The following PAK4 variants were observed in gnomAD, a reference collection of about 807,000 sequenced individuals.
The protein encoded by PAK4 is serine/threonine-protein kinase PAK 4.
In PAK4, 49 loss-of-function variants were observed where a neutral mutation model predicts 53.5. That is an observed-to-expected ratio of 0.92 (90% confidence interval 0.73 to 1.16). The LOEUF (loss-of-function observed/expected upper bound fraction) is 1.16, where lower values mean the gene tolerates loss of function less well. Ranked by LOEUF, PAK4 falls within the 50% of genes most tolerant of loss-of-function variation. The pLI is 0.00. For synonymous variants in PAK4, 376 were observed against 375.6 expected, an observed-to-expected ratio of 1.00 and a Z score of -0.01; for missense variants, 824 against 850.7, an observed-to-expected ratio of 0.97 and a Z score of 0.39.
rs754032292 is a variant in PAK4, at chr19:39,173,842, G to C, written c.930G>C (p.Leu310=). Residue 310 remains leucine (L), a synonymous_variant, in exon 4 of 9, where the codon CTG becomes CTC. Transcript: ENST00000358301. This position sits in a 1 kb window ranked among gnomAD's most constrained non-coding sequence, Gnocchi z 6.9. Reference sequence around the variant, plus strand: ...AGCAGTTCCGGGCTGCCCTGCAGCTGGTGGTGGACCCAGGCGACCCCCGCT... The same window carrying C: ...AGCAGTTCCGGGCTGCCCTGCAGCTCGTGGTGGACCCAGGCGACCCCCGCT... The C allele has an allele frequency of 1.9e-6, 3 of 1,612,570 alleles. No individual in the cohort carries two copies. The highest frequency in any genetic ancestry group is 2.5e-6 in the Non-Finnish European group (3 of 1,179,770).
intron 1 of PAK4, among the ~76,000 whole-genome samples, chr19:39,140,708 C>T (rs58909586): frequency 0.019 from 2,908 of 152,308 alleles, 94 homozygotes; most frequent in African/African-American, 0.067. Context: ...TCCTCTCCCC[C>T]TACCCCTCTC....
intron 1 of PAK4, among the ~76,000 whole-genome samples, chr19:39,144,392 G>T (rs2073966490): frequency 6.6e-6 from 1 of 152,192 alleles, no homozygotes; most frequent in African/African-American, 2.4e-5. Context: ...CTTTGTAGTG[G>T]TCTCACTGCT....
chr19:39,182,511 A>G (rs950385446), downstream of PAK4: 1 of 152,194 alleles, frequency 6.6e-6, no homozygotes, highest in Non-Finnish European at 1.5e-5. Context: ...ATATACAATC[A>G]GGAGATTTAA....
intron 1 of PAK4, among the ~76,000 whole-genome samples, chr19:39,145,291 G>A (rs2073981393): frequency 6.6e-6 from 1 of 152,174 alleles, no homozygotes; most frequent in African/African-American, 2.4e-5. Context: ...CCTAAACAGT[G>A]TCCCGCATTG....
At chr19:39,134,038 C>G (rs562273558) in intron 1 of PAK4, among the ~76,000 whole-genome samples, 8 of 152,294 alleles carry the variant, frequency 5.3e-5, no homozygotes, top group East Asian at 1.9e-4. Context: ...AGGCCCCTGT[C>G]CTTCTCTCCC....
Position 39,176,588 on chromosome 19 carries a change from A to C in PAK4, c.1360-2A>C. 6.2e-7 allele frequency: 1 copy of C among 1,613,710 alleles called. No homozygotes were observed. Among genetic ancestry groups the C allele is most frequent in the Non-Finnish European group, 8.5e-7 (1 of 1,179,978 alleles). On this transcript the variant is annotated splice_acceptor_variant, in intron 6 of 8. Coordinates refer to ENST00000358301, the Ensembl canonical transcript of PAK4. LOFTEE classifies it high-confidence loss of function. ...GACCCCACTGCCTCTGCCCTGTCCCAGGTGAAGCTGTCAGACTTTGGGTTC... is the reference window on the plus strand; with the variant it reads ...GACCCCACTGCCTCTGCCCTGTCCCCGGTGAAGCTGTCAGACTTTGGGTTC...
chr19:39,158,258 CATGT>C (rs1321058326), intron 1 of PAK4, among the ~76,000 whole-genome samples: 1 of 150,810 alleles, frequency 6.6e-6, no homozygotes, highest in Non-Finnish European at 1.5e-5. Flanking sequence ...TGTGAGCATG[CATGT>C]GTTGCGGGAT....
chr19:39,131,465 C>T (rs559830616), intron 1 of PAK4, among the ~76,000 whole-genome samples: 2 of 152,312 alleles, frequency 1.3e-5, no homozygotes, highest in East Asian at 1.9e-4. Context: ...AGCCCAGCCC[C>T]GCACATGCTG....
chr19:39,176,074 A>G (rs1235867623), intron 6 of PAK4, among the ~76,000 whole-genome samples: 14 of 152,124 alleles, frequency 9.2e-5, no homozygotes, highest in Admixed American at 7.2e-4. Context: ...GGTTGTGGGG[A>G]TGTTTGCTGG....
intron 1 of PAK4, among the ~76,000 whole-genome samples, chr19:39,137,049 G>A (rs893224347): frequency 2.0e-5 from 3 of 152,200 alleles, no homozygotes; most frequent in Non-Finnish European, 4.4e-5. Context: ...CTCTGCCTCA[G>A]TGTCTTCCTC....
In PAK4 at chr19:39,130,416, G is replaced by A. The variant is rs146170412; in HGVS notation, c.-23+4497G>A. 7.6e-4 allele frequency among the ~76,000 whole-genome samples: 116 copies of A among 152,142 alleles called. No homozygotes were observed. In the East Asian group the frequency reaches 0.02, roughly 26 times the overall value. On this transcript the variant is annotated intron_variant, in intron 1 of 8. Coordinates refer to ENST00000358301, the Ensembl canonical transcript of PAK4. ...AGCCCGAGGAGGCATGTGGCCCAGCGTGGGGAGTTGAGGAGGGCTTTCTGG... is the reference window on the plus strand; with the variant it reads ...AGCCCGAGGAGGCATGTGGCCCAGCATGGGGAGTTGAGGAGGGCTTTCTGG...
chr19:39,171,361 A>G (rs921278019), intron 2 of PAK4, among the ~76,000 whole-genome samples: 2 of 151,916 alleles, frequency 1.3e-5, no homozygotes, highest in Non-Finnish European at 2.9e-5. Context: ...GGCGCCCACC[A>G]CTATGCCCAT....
chr19:39,133,921 A>C (rs2073762069), intron 1 of PAK4, among the ~76,000 whole-genome samples: 1 of 151,484 alleles, frequency 6.6e-6, no homozygotes, highest in Non-Finnish European at 1.5e-5. Context: ...CTGCGCCCAC[A>C]GTCACCGGTC....
At chr19:39,179,853 C>G (rs1325712257), downstream of PAK4, 1 of 152,248 alleles carries the variant, frequency 6.6e-6, no homozygotes. Flanking sequence ...TGAAGTGTGT[C>G]CTTCCACGCA....
intron 2 of PAK4, among the ~76,000 whole-genome samples, chr19:39,171,489 A>G (rs965804663): frequency 3.9e-5 from 6 of 152,190 alleles, no homozygotes. Context: ...GGCGTGAGCC[A>G]CTGCTTCTTG....
chr19:39,136,651 CG>C, intron 1 of PAK4, among the ~76,000 whole-genome samples: 1 of 152,188 alleles, frequency 6.6e-6, no homozygotes, highest in East Asian at 1.9e-4. Flanking sequence ...CCCGGCATAA[CG>C]TAGCCTCAGG....
At chr19:39,132,412 C>T (rs187092588) in intron 1 of PAK4, among the ~76,000 whole-genome samples, 3 of 152,326 alleles carry the variant, frequency 2.0e-5, no homozygotes, top group South Asian at 2.1e-4. Context: ...CCCAAGTGCC[C>T]GCCCCTCCCT....
At chr19:39,170,031 C>T (rs1189658302) in intron 2 of PAK4, among the ~76,000 whole-genome samples, 2 of 152,138 alleles carry the variant, frequency 1.3e-5, no homozygotes, top group African/African-American at 4.8e-5. Flanking sequence ...TGCTGTCTCC[C>T]GCAGACTCAT....
At chr19:39,163,613 A>G (rs1286802894) in intron 1 of PAK4, among the ~76,000 whole-genome samples, 1 of 152,216 alleles carries the variant, frequency 6.6e-6, no homozygotes, top group Non-Finnish European at 1.5e-5. Flanking sequence ...CCTGTCCCGC[A>G]TGTTAAAGAA....
Sources: gnomAD v4.1 joint callset for allele counts (sites outside exome capture counted in the v4.1 genomes callset) on GRCh38, gnomAD v4.1.1 for gene constraint, Gnocchi (gnomAD v3.1) non-coding constraint, MANE v1.5 for transcripts, NCBI Gene and HGNC (gene_info 2026-07-23, HGNC 2026-07-21) for gene names.